GPRIN2: variants seen among roughly 807,000 people sequenced by gnomAD.
GPRIN2 encodes the protein G protein-regulated inducer of neurite outgrowth 2.
GPRIN2 carries 1 observed loss-of-function variant against 0.3 expected under a neutral mutation model. The observed-to-expected ratio is 3.90, with a 90% CI of 1.39 to 18.51. The LOEUF is 18.51. GPRIN2 is among the 30% of genes most tolerant of loss of function. The pLI is 0.11. For synonymous variants in GPRIN2, 361 were observed against 258.6 expected (o/e 1.40, Z -3.80); for missense variants, 880 against 604.2 (o/e 1.46, Z -4.79).
At position 46,543,959 on chromosome 10, in the gene GPRIN2, C is replaced by G. The variant is rs1013777269; in HGVS notation, c.*5401G>C. 6.7e-6 allele frequency among the ~76,000 whole-genome samples: 1 copy of G among 149,734 alleles called. No individual in the cohort carries two copies. Among genetic ancestry groups the G allele is most frequent in the African/African-American group, 2.5e-5 (1 of 40,566 alleles). On this transcript the variant is annotated 3_prime_UTR_variant, in exon 3 of 3. Transcript: ENST00000374314. The stretch of plus-strand genomic sequence containing the variant: ...ATGGGCCCACGTCACTTTGGTTTCG[C>G]TTGTTTTTTTTTTTAGTAAACATCA...
In GPRIN2 at chr10:46,549,012, T is replaced by A. The variant is rs1832772773; in HGVS notation, c.*348A>T. ...TGATTTCAAATAAAGCCACCAAGAG[T>A]CTGACGAGGCAACATGGCAGAGTTC... On this transcript the variant is annotated 3_prime_UTR_variant, in exon 3 of 3. Transcript: ENST00000374314. 5.6e-6 allele frequency: 2 copies of A among 359,770 alleles called. No homozygotes were observed. Among genetic ancestry groups the A allele is most frequent in the African/African-American group, 2.1e-5 (1 of 47,630 alleles). The allele number at this position is 359,770 out of a possible 1,614,324, so 22.3% of individuals were successfully genotyped here.
Position 46,556,579 on chromosome 10 carries a change from T to G in GPRIN2, c.-199A>C, listed in dbSNP as rs1340781917. 1.3e-5 allele frequency among the ~76,000 whole-genome samples: 2 copies of G among 152,140 alleles called. No homozygotes were observed. Among genetic ancestry groups the G allele is most frequent in the Non-Finnish European group, 2.9e-5 (2 of 68,006 alleles). ...AGGTGCCAGGTGCCGCGGCCCAAGA[T>G]GGAGCCAGAGCCGACCTGGCCTGGG... On this transcript the variant is annotated 5_prime_UTR_variant, in exon 1 of 3. Transcript: ENST00000374314.
intron 2 of GPRIN2, 58 bp from the exon 3 acceptor site, chr10:46,550,800 A>C: frequency 6.8e-7 from 1 of 1,473,300 alleles, no homozygotes; most frequent in East Asian, 2.4e-5. Flanking sequence ...ACCTAAGCCG[A>C]TTCTACTATG....
intron 2 of GPRIN2, among the ~76,000 whole-genome samples, chr10:46,551,183 C>T (rs1832206737): frequency 1.6e-4 from 24 of 152,392 alleles, no homozygotes; most frequent in African/African-American, 4.1e-4. Flanking sequence ...GGCCTCTTAA[C>T]GGGCACAGCT....
rs1842120881 is a variant in GPRIN2 at position 46,545,956 on chromosome 10, C to T, written c.*3404G>A. ...CCAGATTCAAACTCCAGCTTTAGCC[C>T]ACTAAGCTACGGTGGCCAACCCCAG... On this transcript the variant is annotated 3_prime_UTR_variant, in exon 3 of 3. Transcript: ENST00000374314. 6.6e-6 allele frequency among the ~76,000 whole-genome samples: 1 copy of T among 152,312 alleles called. No homozygotes were observed. Among genetic ancestry groups the T allele is most frequent in the African/African-American group, 2.4e-5 (1 of 41,488 alleles).
intron 1 of GPRIN2, among the ~76,000 whole-genome samples, chr10:46,554,957 T>G (rs1479221693): frequency 2.6e-5 from 4 of 152,294 alleles, no homozygotes; most frequent in Non-Finnish European, 5.9e-5. Context: ...GTTCGTTCGT[T>G]TGTTTGTGAG....
rs1832501591 is a variant in GPRIN2, at chr10:46,550,044, T to C, written c.693A>G (p.Pro231=). ...LATTTCHALP[P]AALLCGMREV... ...CCCTCATGCCACAGAGTAGAGCAGCTGGGGGCAGAGCATGGCAGGTGGTGG... is the reference window on the plus strand; with the variant it reads ...CCCTCATGCCACAGAGTAGAGCAGCCGGGGGCAGAGCATGGCAGGTGGTGG... Residue 231 remains proline (P), a synonymous_variant, in exon 3 of 3, where the codon CCA becomes CCG. Transcript: ENST00000374314. 2 of 1,613,866 alleles carry C rather than the reference T, an allele frequency of 1.2e-6. No individual in the cohort carries two copies. The highest frequency in any genetic ancestry group is 1.7e-6 in the Non-Finnish European group (2 of 1,179,894).
In GPRIN2 at chr10:46,548,154, C is replaced by G. The variant is rs1842338381; in HGVS notation, c.*1206G>C. Among the ~76,000 whole-genome samples, 1 of 152,304 alleles carries G rather than the reference C, an allele frequency of 6.6e-6. No homozygotes were observed. Among genetic ancestry groups the G allele is most frequent in the African/African-American group, 2.4e-5 (1 of 41,484 alleles). On this transcript the variant is annotated 3_prime_UTR_variant, in exon 3 of 3. Coordinates refer to ENST00000374314, the MANE Select transcript of GPRIN2 (RefSeq NM_001385282.1). ...CTGTGTCACGGGATCTTAGGATCTT[C>G]AAGACAAAGACCCAGGACAAGAACA...
rs1052945106 is a variant in GPRIN2 at position 46,541,921 on chromosome 10, C to G, written c.*7439G>C. ...CACCCCTGCTGGTTCCTGCCCCACCCCTTCCCCCAGCCCAGGAGGCTTCCA... is the reference window on the plus strand; with the variant it reads ...CACCCCTGCTGGTTCCTGCCCCACCGCTTCCCCCAGCCCAGGAGGCTTCCA... On this transcript the variant is annotated 3_prime_UTR_variant, in exon 3 of 3. Coordinates refer to ENST00000374314, the MANE Select transcript of GPRIN2 (RefSeq NM_001385282.1). Among the ~76,000 whole-genome samples the G allele has an allele frequency of 1.5e-4, 23 of 152,414 alleles. No individual in the cohort carries two copies. Among genetic ancestry groups the G allele is most frequent in the African/African-American group, 5.5e-4 (23 of 41,598 alleles).
chr10:46,554,144 A>G (rs1440237530), intron 2 of GPRIN2, among the ~76,000 whole-genome samples: 1 of 152,308 alleles, frequency 6.6e-6, no homozygotes, highest in Non-Finnish European at 1.5e-5. Context: ...TGTCTGCAAT[A>G]GTGTTTGTTA....
chr10:46,547,745 C>T lies in GPRIN2; in HGVS notation c.*1615G>A, dbSNP rs1832835899. Among the ~76,000 whole-genome samples, 570 of 152,048 alleles carry T rather than the reference C, an allele frequency of 3.7e-3. No homozygotes were observed. The highest frequency in any genetic ancestry group is 5.9e-3 in the Non-Finnish European group (399 of 67,762). The stretch of plus-strand genomic sequence containing the variant: ...TATACCCATGTGTCACTCCCCAGAA[C>T]GTGAGCTGCCTGCCCTGGCACCATA... On this transcript the variant is annotated 3_prime_UTR_variant, in exon 3 of 3. Coordinates refer to ENST00000374314, the MANE Select transcript of GPRIN2 (RefSeq NM_001385282.1).
rs1842274233 is a variant in GPRIN2 at position 46,547,522 on chromosome 10, G to C, written c.*1838C>G. Among the ~76,000 whole-genome samples, 1 of 152,308 alleles carries C rather than the reference G, an allele frequency of 6.6e-6. No individual in the cohort carries two copies. The highest frequency in any genetic ancestry group is 1.9e-4 in the East Asian group (1 of 5,206). On this transcript the variant is annotated 3_prime_UTR_variant, in exon 3 of 3. Transcript: ENST00000374314. ...ACAGGCACATCCAAGTATCTGACCAGGCTGTTCCATCTGCCAGGCAGGTCC... is the reference window on the plus strand; with the variant it reads ...ACAGGCACATCCAAGTATCTGACCACGCTGTTCCATCTGCCAGGCAGGTCC...
chr10:46,556,103 G>T (rs1247436027), intron 1 of GPRIN2, among the ~76,000 whole-genome samples: 2 of 152,310 alleles, frequency 1.3e-5, no homozygotes, highest in East Asian at 1.9e-4. Flanking sequence ...CTGTGGGCCG[G>T]GGTAATGATG....
At chr10:46,553,639 G>A (rs1842852710) in intron 2 of GPRIN2, among the ~76,000 whole-genome samples, 1 of 152,310 alleles carries the variant, frequency 6.6e-6, no homozygotes, top group African/African-American at 2.4e-5. Context: ...TCACCAGAGG[G>A]CTGCCCAGCA....
chr10:46,555,816 C>G (rs945469), intron 1 of GPRIN2, among the ~76,000 whole-genome samples: 2 of 152,208 alleles, frequency 1.3e-5, no homozygotes, highest in African/African-American at 4.8e-5. Flanking sequence ...CCTATCTGCA[C>G]GCTCACAAGC....
At chr10:46,556,355 G>T (rs1588981109) in intron 1 of GPRIN2, among the ~76,000 whole-genome samples, 143 bp downstream of exon 1, 1 of 152,426 alleles carries the variant, frequency 6.6e-6, no homozygotes, top group Admixed American at 6.5e-5. Context: ...GCCACCGGGG[G>T]CTCTGGGCGC....
In GPRIN2 at chr10:46,556,552, ACAGGTGC is replaced by A. The variant is rs1170538104; in HGVS notation, c.-179_-173del. ...GGGAAGCGCTGCTCCTGCGGCCGCCACAGGTGCCAGGTGCCGCGGCCCAAGATGGAGC... is the reference window on the plus strand; with the variant it reads ...GGGAAGCGCTGCTCCTGCGGCCGCCACAGGTGCCGCGGCCCAAGATGGAGC... On this transcript the variant is annotated 5_prime_UTR_variant, in exon 1 of 3. Coordinates refer to ENST00000374314, the MANE Select transcript of GPRIN2 (RefSeq NM_001385282.1). Among the ~76,000 whole-genome samples, 2 of 152,142 alleles carry A rather than the reference ACAGGTGC, an allele frequency of 1.3e-5. No homozygotes were observed. The highest frequency in any genetic ancestry group is 2.9e-5 in the Non-Finnish European group (2 of 68,016).
chr10:46,556,971 GGCCCCAGACCCA>G (rs1313965407), upstream of GPRIN2, among the ~76,000 whole-genome samples: 1 of 150,048 alleles, frequency 6.7e-6, no homozygotes, highest in African/African-American at 2.5e-5. Context: ...ACGATTCTCC[GGCCCCAGACCCA>G]GCCCCTCAAG....
At chr10:46,551,178 C>T (rs1330798426) in intron 2 of GPRIN2, among the ~76,000 whole-genome samples, 1 of 152,302 alleles carries the variant, frequency 6.6e-6, no homozygotes, top group Non-Finnish European at 1.5e-5. Flanking sequence ...ACTATGGCCT[C>T]TTAACGGGCA....
Sources: allele counts gnomAD v4.1 joint callset (sites outside exome capture counted in the v4.1 genomes callset), GRCh38; gene constraint gnomAD v4.1.1; transcripts MANE v1.5; gene names NCBI Gene and HGNC (gene_info 2026-07-23, HGNC 2026-07-21).